STXBP5: variants seen among roughly 807,000 people sequenced by gnomAD.
The protein encoded by STXBP5 is syntaxin-binding protein 5.
STXBP5 carries 50 observed loss-of-function variants against 152.4 expected under a neutral mutation model. The ratio of observed to expected loss-of-function variants is 0.33; its 90% CI spans 0.26 to 0.42. The LOEUF (loss-of-function observed/expected upper bound fraction) is 0.42. Among genes scored for constraint, STXBP5 ranks in the 10% least tolerant of loss-of-function variants. STXBP5 has a pLI of 1.00. For missense variants in STXBP5, 1,167 were observed against 1,388.6 expected (o/e 0.84, Z 2.54); for synonymous variants, 492 against 494.7 (o/e 0.99, Z 0.07).
At chr6:147,293,052 A>G (rs1436427951) in intron 9 of STXBP5, 1 of 152,140 alleles carries the variant, frequency 6.6e-6, no homozygotes, top group East Asian at 1.9e-4. Flanking sequence ...ATATACACAA[A>G]TACTTACCAT....
chr6:147,320,727 T>C (rs2128380479), intron 16 of STXBP5, among the ~76,000 whole-genome samples: 1 of 152,274 alleles, frequency 6.6e-6, no homozygotes, highest in East Asian at 1.9e-4. Flanking sequence ...ATTACAACAT[T>C]ACTTAAAATT....
At chr6:147,370,827 A>G (rs1273060018) in intron 25 of STXBP5, among the ~76,000 whole-genome samples, 3 of 151,950 alleles carry the variant, frequency 2.0e-5, no homozygotes, top group Non-Finnish European at 4.4e-5. Flanking sequence ...TTTATCCTGG[A>G]GATATTTATT....
chr6:147,270,124 T>C (rs565544394), intron 7 of STXBP5, among the ~76,000 whole-genome samples: 9 of 151,934 alleles, frequency 5.9e-5, no homozygotes, highest in African/African-American at 2.2e-4. Context: ...AGAGGCCGGG[T>C]GCGGTGGCTC....
rs1031442239 is a variant in STXBP5 at position 147,386,452 on chromosome 6, A to T, written c.*1697A>T. 1.3e-5 allele frequency: 2 copies of T among 151,742 alleles called. No homozygotes were observed. Among genetic ancestry groups the T allele is most frequent in the Non-Finnish European group, 2.9e-5 (2 of 67,802 alleles). The allele number at this position is 151,742 out of a possible 1,614,324, so 9.4% of individuals were successfully genotyped here. On this transcript the variant is annotated 3_prime_UTR_variant, in exon 28 of 28. Transcript: ENST00000321680. Reference sequence around the variant, plus strand: ...ATGTTTACATTTTATAACATGCACTACTAGATGCAAAAGTTTACATCAAAG... The same window carrying T: ...ATGTTTACATTTTATAACATGCACTTCTAGATGCAAAAGTTTACATCAAAG...
At chr6:147,212,086 T>G (rs529919944) in intron 2 of STXBP5, among the ~76,000 whole-genome samples, 1 of 152,152 alleles carries the variant, frequency 6.6e-6, no homozygotes, top group Non-Finnish European at 1.5e-5. Flanking sequence ...CAGCTGTAAG[T>G]TGTGATTCTT....
chr6:147,335,468 T>C (rs1005343815), intron 19 of STXBP5, among the ~76,000 whole-genome samples: 7 of 152,216 alleles, frequency 4.6e-5, no homozygotes, highest in Admixed American at 1.3e-4. Context: ...ACATGTGATA[T>C]ATTACACTTA....
chr6:147,340,864 G>A (rs1784058973), intron 21 of STXBP5, among the ~76,000 whole-genome samples: 1 of 152,084 alleles, frequency 6.6e-6, no homozygotes, highest in African/African-American at 2.4e-5. Context: ...TTATTGGAAG[G>A]ATAGTTCTTT....
intron 2 of STXBP5, among the ~76,000 whole-genome samples, chr6:147,212,553 A>G (rs1418086038): frequency 1.3e-5 from 2 of 152,154 alleles, no homozygotes; most frequent in African/African-American, 4.8e-5. Flanking sequence ...AATCCTTCCA[A>G]CTTTTGGACC....
At chr6:147,225,334 T>G (rs746338587) in intron 2 of STXBP5, among the ~76,000 whole-genome samples, 36 of 152,180 alleles carry the variant, frequency 2.4e-4, no homozygotes, top group Non-Finnish European at 2.9e-4. Context: ...TTCTTATCTT[T>G]AAACTTTGCA....
intron 25 of STXBP5, among the ~76,000 whole-genome samples, chr6:147,364,744 T>C (rs891666600): frequency 1.3e-5 from 2 of 152,210 alleles, no homozygotes; most frequent in African/African-American, 2.4e-5. Context: ...AGCTTTACCT[T>C]CCAAAGTAAA....
chr6:147,235,908 AATAG>A (rs902399600), intron 3 of STXBP5, among the ~76,000 whole-genome samples: 12 of 152,276 alleles, frequency 7.9e-5, no homozygotes, highest in African/African-American at 2.9e-4. Flanking sequence ...CAGCTCAGAC[AATAG>A]ATGTTAACTG....
At chr6:147,290,268 A>G (rs1349392461) in intron 8 of STXBP5, among the ~76,000 whole-genome samples, 9 of 152,194 alleles carry the variant, frequency 5.9e-5, no homozygotes, top group Non-Finnish European at 1.2e-4. Context: ...TAGGCAAACA[A>G]TAAACAAAGA....
At chr6:147,353,657 GATTA>G (rs1430991360) in intron 22 of STXBP5, among the ~76,000 whole-genome samples, 1 of 152,010 alleles carries the variant, frequency 6.6e-6, no homozygotes, top group East Asian at 1.9e-4. Flanking sequence ...TGCAATTTTA[GATTA>G]ATTTTTATTA....
At chr6:147,247,054 T>C (rs1778843913) in intron 4 of STXBP5, among the ~76,000 whole-genome samples, 1 of 152,204 alleles carries the variant, frequency 6.6e-6, no homozygotes, top group Admixed American at 6.5e-5. Flanking sequence ...GTATGCACAT[T>C]AGTGCATATA....
Position 147,235,319 on chromosome 6 carries a change from C to G in STXBP5, c.318C>G (p.Phe106Leu). 6.2e-7 allele frequency: 1 copy of G among 1,612,436 alleles called. No individual in the cohort carries two copies. The highest frequency in any genetic ancestry group is 8.5e-7 in the Non-Finnish European group (1 of 1,178,992). The stretch of plus-strand genomic sequence containing the variant: ...GAGCTGCAGTAATCCAGCTCCAGTT[C>G]CTGATTAATGAGGTTAGTGAATTGT... ...DSGAAVIQLQFLINEGALVSA... is the reference protein window; with the variant it reads ...DSGAAVIQLQLLINEGALVSA... Residue 106 changes from phenylalanine to leucine, a missense_variant, in exon 3 of 28, where the codon TTC (phenylalanine) becomes TTG (leucine). Phe to Leu is a conservative substitution (Grantham distance 22). Around this residue, in one of 3 missense-constraint regions of STXBP5, gnomAD observed 310 missense variants for 346.1 expected, o/e 0.90. Coordinates refer to ENST00000321680, the MANE Select transcript of STXBP5 (RefSeq NM_001127715.4).
intron 21 of STXBP5, among the ~76,000 whole-genome samples, chr6:147,349,829 C>T (rs1784509019): frequency 6.6e-6 from 1 of 152,134 alleles, no homozygotes; most frequent in African/African-American, 2.4e-5. Context: ...TTTTTCTGTA[C>T]TCATGGAAGG....
chr6:147,348,601 A>G (rs1784446480), intron 21 of STXBP5, among the ~76,000 whole-genome samples: 1 of 152,162 alleles, frequency 6.6e-6, no homozygotes, highest in Non-Finnish European at 1.5e-5. Context: ...GTAGTATTAT[A>G]CTTAATATAC....
At chr6:147,365,046 A>T (rs1785233088) in intron 25 of STXBP5, among the ~76,000 whole-genome samples, 1 of 152,182 alleles carries the variant, frequency 6.6e-6, no homozygotes, top group Non-Finnish European at 1.5e-5. Context: ...AGAGGATATG[A>T]TATGGATTAA....
chr6:147,346,664 C>A (rs539446732), intron 21 of STXBP5, among the ~76,000 whole-genome samples: 2 of 151,902 alleles, frequency 1.3e-5, no homozygotes, highest in Non-Finnish European at 2.9e-5. Flanking sequence ...TGCTCGAACC[C>A]AGGCGGCGGA....
Sources: gnomAD v4.1 joint callset for allele counts (sites outside exome capture counted in the v4.1 genomes callset) on GRCh38, gnomAD v4.1.1 for gene constraint, gnomAD v4.1.1 regional missense constraint, MANE v1.5 for transcripts, NCBI Gene and HGNC (gene_info 2026-07-23, HGNC 2026-07-21) for gene names.